The following PACSIN2 variants were observed in gnomAD, a reference collection of about 807,000 sequenced individuals.
PACSIN2 encodes protein kinase C and casein kinase substrate in neurons protein 2.
A neutral mutation model predicts 63.8 loss-of-function variants in PACSIN2; 25 were observed. The observed-to-expected ratio is 0.39, with a 90% CI of 0.29 to 0.55. The LOEUF is 0.55. Among genes scored for constraint, PACSIN2 ranks in the 20% least tolerant of loss-of-function variants. PACSIN2 has a pLI of 0.62. For synonymous variants in PACSIN2, 255 were observed against 256.2 expected (o/e 1.00, Z 0.05); for missense variants, 518 against 646.9 (o/e 0.80, Z 2.16).
intron 1 of PACSIN2, among the ~76,000 whole-genome samples, chr22:42,988,243 G>A (rs1371009422): frequency 6.6e-6 from 1 of 152,214 alleles, no homozygotes; most frequent in Non-Finnish European, 1.5e-5. Flanking sequence ...GGAGAAGATA[G>A]TCTCTGAACA....
chr22:42,975,660 A>T (rs1921653483), intron 1 of PACSIN2, among the ~76,000 whole-genome samples: 1 of 149,660 alleles, frequency 6.7e-6, no homozygotes, highest in African/African-American at 2.4e-5. Context: ...ATTCTTTAAA[A>T]AAAAAAAAAA....
intron 1 of PACSIN2, among the ~76,000 whole-genome samples, chr22:42,994,742 C>A (rs1014946872): frequency 6.6e-6 from 1 of 152,204 alleles, no homozygotes; most frequent in Non-Finnish European, 1.5e-5. Flanking sequence ...GAAAAAGGGC[C>A]CCGGGCAGGG....
At chr22:42,983,433 T>C (rs1922369750) in intron 1 of PACSIN2, among the ~76,000 whole-genome samples, 1 of 134,892 alleles carries the variant, frequency 7.4e-6, no homozygotes, top group African/African-American at 3.0e-5. Context: ...GAGGTTGCAG[T>C]GAGCCGAGAT....
intron 7 of PACSIN2, among the ~76,000 whole-genome samples, chr22:42,881,150 T>C (rs1929041239): frequency 6.6e-6 from 1 of 152,128 alleles, no homozygotes. Context: ...CACTGTCATT[T>C]GGAAAAACCT....
At chr22:43,013,070 G>A (rs1392164372) in intron 1 of PACSIN2, among the ~76,000 whole-genome samples, 1 of 152,206 alleles carries the variant, frequency 6.6e-6, no homozygotes, top group Non-Finnish European at 1.5e-5. Flanking sequence ...GGGATCCCAG[G>A]CGTGAGCCAC....
chr22:42,931,254 C>T (rs1165310841), intron 1 of PACSIN2, among the ~76,000 whole-genome samples: 1 of 152,026 alleles, frequency 6.6e-6, no homozygotes, highest in Non-Finnish European at 1.5e-5. Context: ...TGCTGCAAAC[C>T]AGCTGGGTAA....
intron 1 of PACSIN2, among the ~76,000 whole-genome samples, chr22:42,928,633 A>T (rs1316168635): frequency 6.6e-6 from 1 of 152,238 alleles, no homozygotes; most frequent in Non-Finnish European, 1.5e-5. Context: ...ACAATGAAGT[A>T]CACCCCAAAA....
At chr22:42,917,979 C>T (rs1931923883) in intron 1 of PACSIN2, among the ~76,000 whole-genome samples, 1 of 152,138 alleles carries the variant, frequency 6.6e-6, no homozygotes, top group South Asian at 2.1e-4. Flanking sequence ...AACACTCAGT[C>T]CCAGGGCAAC....
intron 1 of PACSIN2, among the ~76,000 whole-genome samples, chr22:43,002,030 G>C (rs1182031155): frequency 2.0e-5 from 3 of 152,192 alleles, no homozygotes. Context: ...AGGGGACATG[G>C]TGACAAGTTC....
chr22:42,900,829 A>G (rs985317687), intron 2 of PACSIN2, among the ~76,000 whole-genome samples: 1 of 152,206 alleles, frequency 6.6e-6, no homozygotes, highest in African/African-American at 2.4e-5. Context: ...GCAGTCACTC[A>G]TGGTCATGCA....
chr22:42,900,576 T>C (rs1437500034), intron 2 of PACSIN2, among the ~76,000 whole-genome samples: 47 of 152,196 alleles, frequency 3.1e-4, no homozygotes, highest in Admixed American at 3.1e-3. Flanking sequence ...CCGTCCGAAG[T>C]GATCCTCCTG....
chr22:43,004,198 G>T (rs1382580064), intron 1 of PACSIN2, among the ~76,000 whole-genome samples: 1 of 152,188 alleles, frequency 6.6e-6, no homozygotes, highest in Non-Finnish European at 1.5e-5. Context: ...CCCTCTGAAG[G>T]CCACTGAATC....
At chr22:42,937,280 A>G (rs1230803807) in intron 1 of PACSIN2, among the ~76,000 whole-genome samples, 1 of 152,174 alleles carries the variant, frequency 6.6e-6, no homozygotes, top group African/African-American at 2.4e-5. Context: ...AGTAAGCCAT[A>G]TGGGCCCCCA....
intron 8 of PACSIN2, among the ~76,000 whole-genome samples, chr22:42,877,560 G>A (rs921432413): frequency 6.6e-6 from 1 of 152,170 alleles, no homozygotes; most frequent in Admixed American, 6.5e-5. Flanking sequence ...CAGGGCCTGC[G>A]GCACCGTCTT....
chr22:42,916,113 G>A (rs534304579), intron 1 of PACSIN2, among the ~76,000 whole-genome samples: 1 of 152,166 alleles, frequency 6.6e-6, no homozygotes, highest in Non-Finnish European at 1.5e-5. Context: ...CCCAGTTCCT[G>A]AGCTGTGCTT....
At chr22:42,907,057 G>A (rs1931124261) in intron 2 of PACSIN2, among the ~76,000 whole-genome samples, 1 of 152,164 alleles carries the variant, frequency 6.6e-6, no homozygotes, top group Non-Finnish European at 1.5e-5. Flanking sequence ...AGCTCCCTAG[G>A]AAGGAGATGG....
intron 1 of PACSIN2, among the ~76,000 whole-genome samples, chr22:42,941,152 G>T (rs1933141095): frequency 6.6e-6 from 1 of 152,190 alleles, no homozygotes; most frequent in Admixed American, 6.5e-5. Flanking sequence ...TGTGGCTCTG[G>T]TGATTGGCTT....
Position 42,891,080 on chromosome 22 carries a change from T to C in PACSIN2, c.320A>G (p.Asp107Gly). 1 of 1,614,184 alleles carries C rather than the reference T, an allele frequency of 6.2e-7. No homozygotes were observed. The highest frequency in any genetic ancestry group is 8.5e-7 in the Non-Finnish European group (1 of 1,180,044). ...HLEVKASLMN[D>G]DFEKIKNWQK... ...CCAGTTCTTGATCTTCTCGAAGTCATCGTTCATCAGTGAGGCCTTCACCTC... is the reference window on the plus strand; with the variant it reads ...CCAGTTCTTGATCTTCTCGAAGTCACCGTTCATCAGTGAGGCCTTCACCTC... Residue 107 changes from aspartate to glycine, a missense_variant, in exon 4 of 11, where the codon GAT becomes GGT. By Grantham distance (94) the Asp-to-Gly change is moderately conservative. Coordinates refer to ENST00000263246, the MANE Select transcript of PACSIN2 (RefSeq NM_001184970.3).
chr22:42,893,154 G>A (rs1202392663), intron 3 of PACSIN2, among the ~76,000 whole-genome samples: 3 of 152,212 alleles, frequency 2.0e-5, no homozygotes, highest in Non-Finnish European at 4.4e-5. Flanking sequence ...GGCCTTCCAC[G>A]TGATAGGAAC....
Sources: gnomAD v4.1 joint callset for allele counts (sites outside exome capture counted in the v4.1 genomes callset) on GRCh38, gnomAD v4.1.1 for gene constraint, MANE v1.5 for transcripts, NCBI Gene and HGNC (gene_info 2026-07-23, HGNC 2026-07-21) for gene names.